NR3C1: variants seen among roughly 807,000 people sequenced by gnomAD.
NR3C1 encodes the protein nuclear receptor subfamily 3 group C member 1, also known as glucocorticoid receptor.
A neutral mutation model predicts 74.0 loss-of-function variants in NR3C1; 14 were observed. The observed-to-expected ratio is 0.19, with a 90% CI of 0.12 to 0.30. The LOEUF is 0.30. NR3C1 is among the 10% of genes least tolerant of loss of function. The pLI is 1.00. For missense variants in NR3C1, 695 were observed against 909.8 expected (o/e 0.76, Z 3.04); for synonymous variants, 308 against 332.5 (o/e 0.93, Z 0.80).
At chr5:143,356,241 C>T (rs1831107357) in intron 2 of NR3C1, among the ~76,000 whole-genome samples, 1 of 152,016 alleles carries the variant, frequency 6.6e-6, no homozygotes, top group South Asian at 2.1e-4. Flanking sequence ...TTAAAGGACA[C>T]AATATCGATC....
At chr5:143,288,414 C>T (rs367705228) in intron 7 of NR3C1, among the ~76,000 whole-genome samples, 1 of 152,008 alleles carries the variant, frequency 6.6e-6, no homozygotes, top group Non-Finnish European at 1.5e-5. Flanking sequence ...CCATAGCGCC[C>T]GGCCAGAAAT....
intron 2 of NR3C1, among the ~76,000 whole-genome samples, chr5:143,340,041 T>C (rs1827890663): frequency 6.6e-6 from 1 of 152,186 alleles, no homozygotes; most frequent in Admixed American, 6.5e-5. Context: ...TAAAACATTC[T>C]ATATATGCGA....
At chr5:143,399,233 C>T (rs1839796577) in intron 2 of NR3C1, among the ~76,000 whole-genome samples, 1 of 152,124 alleles carries the variant, frequency 6.6e-6, no homozygotes, top group Non-Finnish European at 1.5e-5. Flanking sequence ...AATAAGGCAG[C>T]ACAACTTTTG....
intron 2 of NR3C1, among the ~76,000 whole-genome samples, chr5:143,334,621 G>A (rs1467241095): frequency 2.0e-5 from 3 of 151,802 alleles, no homozygotes; most frequent in Admixed American, 6.6e-5. Context: ...CCAAGCCCAA[G>A]GACATAATTG....
intron 2 of NR3C1, among the ~76,000 whole-genome samples, chr5:143,345,086 G>A (rs1829014105): frequency 6.6e-6 from 1 of 152,136 alleles, no homozygotes; most frequent in African/African-American, 2.4e-5. Context: ...GTGTGCATTT[G>A]AGTGCACCCT....
intron 6 of NR3C1, 34 bp downstream of exon 6, chr5:143,298,634 T>A (rs373498683): frequency 1.7e-5 from 28 of 1,605,368 alleles, no homozygotes; most frequent in Non-Finnish European, 2.3e-5. Context: ...AGATACCCTA[T>A]GAATACAGGG....
chr5:143,291,919 A>G (rs996830211), intron 7 of NR3C1, among the ~76,000 whole-genome samples: 16 of 152,180 alleles, frequency 1.1e-4, no homozygotes, highest in Non-Finnish European at 1.5e-5. Context: ...TCCCTATCTG[A>G]TAATTGAAAT....
intron 4 of NR3C1, among the ~76,000 whole-genome samples, chr5:143,309,647 C>T (rs1243016076): frequency 6.6e-6 from 1 of 151,698 alleles, no homozygotes; most frequent in Non-Finnish European, 1.5e-5. Context: ...TTTCCCACCA[C>T]CCCCCGCTTG....
rs115112728 is a variant in NR3C1, at chr5:143,360,309, C to T, written c.1184+39347G>A. Among the ~76,000 whole-genome samples the T allele has an allele frequency of 8.0e-4, 122 of 152,246 alleles. 1 individual carries two copies. Among genetic ancestry groups the T allele is most frequent in the African/African-American group, 2.9e-3 (119 of 41,548 alleles). ...AAAAGTACTTCTAGTGGCTTGTATA[C>T]AATTCAGTTTTAAACTATGTTTACA... On this transcript the variant is annotated intron_variant, in intron 2 of 8. Transcript: ENST00000394464.
At chr5:143,360,749 C>T (rs1453305380) in intron 2 of NR3C1, among the ~76,000 whole-genome samples, 4 of 152,098 alleles carry the variant, frequency 2.6e-5, no homozygotes, top group East Asian at 3.8e-4. Flanking sequence ...ATGATGTTTC[C>T]GGGGTTTCTG....
intron 1 of NR3C1, chr5:143,401,418 A>C (rs1279071228): frequency 6.2e-6 from 1 of 160,606 alleles, no homozygotes; most frequent in Non-Finnish European, 1.4e-5. Flanking sequence ...TGAACCATGC[A>C]CGTTTTCTTT....
chr5:143,411,942 A>C lies in NR3C1; in HGVS notation c.-13-11090T>G, dbSNP rs149159357. Among the ~76,000 whole-genome samples, 117 of 152,168 alleles carry C rather than the reference A, an allele frequency of 7.7e-4. 2 individuals are homozygous for C. The East Asian group carries it at 0.019, about 25-fold the overall frequency. On this transcript the variant is annotated intron_variant, in intron 1 of 8. Transcript: ENST00000343796. ...CGAAGTTTGTATTGGTTGCAATGGC[A>C]GGGGAGCTGGGGAGCTATGGTTGGA...
rs911953767 is a variant in NR3C1, at chr5:143,328,076, G to A, written c.1185-13908C>T. 3.3e-5 allele frequency among the ~76,000 whole-genome samples: 5 copies of A among 152,328 alleles called. No individual in the cohort carries two copies. In the East Asian group the frequency reaches 5.8e-4, roughly 18 times the overall value. Reference sequence around the variant, plus strand: ...CAGACTTCTGCCTGGACATCCAGGCGTTTCTATACATCCTCTTAAATATAG... The same window carrying A: ...CAGACTTCTGCCTGGACATCCAGGCATTTCTATACATCCTCTTAAATATAG... On this transcript the variant is annotated intron_variant, in intron 2 of 8. Transcript: ENST00000394464.
At chr5:143,416,239 T>C (rs1043566209) in intron 1 of NR3C1, among the ~76,000 whole-genome samples, 3 of 152,154 alleles carry the variant, frequency 2.0e-5, no homozygotes, top group Non-Finnish European at 4.4e-5. Flanking sequence ...CTTTGGTCCA[T>C]GCGCTTATGG....
intron 2 of NR3C1, among the ~76,000 whole-genome samples, chr5:143,372,259 C>T (rs72801079): frequency 0.13 from 19,673 of 152,152 alleles, 1,472 homozygotes; most frequent in Middle Eastern, 0.3. Flanking sequence ...CAATTTACAG[C>T]TTCTCTTTGA....
intron 2 of NR3C1, 64 bp downstream of exon 2, chr5:143,399,592 A>C: frequency 2.5e-6 from 3 of 1,201,748 alleles, no homozygotes; most frequent in Non-Finnish European, 3.7e-6. Flanking sequence ...ATCAATGAAG[A>C]TTTACATCTA....
At chr5:143,374,533 T>C (rs1834823387) in intron 2 of NR3C1, among the ~76,000 whole-genome samples, 1 of 149,856 alleles carries the variant, frequency 6.7e-6, no homozygotes. Context: ...CATGATCAGG[T>C]GGGTGATCAT....
chr5:143,323,666 A>T (rs1823895338), intron 2 of NR3C1, among the ~76,000 whole-genome samples: 1 of 152,178 alleles, frequency 6.6e-6, no homozygotes. Context: ...GTATTAACCC[A>T]GAAGTCCACA....
At chr5:143,377,173 AAATT>A (rs1244758240) in intron 2 of NR3C1, among the ~76,000 whole-genome samples, 6 of 152,208 alleles carry the variant, frequency 3.9e-5, no homozygotes, top group African/African-American at 1.4e-4. Context: ...AATGAAGCAT[AAATT>A]CATTCACTTC....
Sources: allele counts gnomAD v4.1 joint callset (sites outside exome capture counted in the v4.1 genomes callset), GRCh38; gene constraint gnomAD v4.1.1; transcripts MANE v1.5; gene names NCBI Gene and HGNC (gene_info 2026-07-23, HGNC 2026-07-21).